TUBGCP2: variants seen among roughly 807,000 people sequenced by gnomAD.
The protein encoded by TUBGCP2 is tubulin gamma complex component 2, also known as gamma-tubulin complex component 2.
TUBGCP2 carries 55 observed loss-of-function variants against 92.2 expected under a neutral mutation model. The ratio of observed to expected loss-of-function variants is 0.60; its 90% CI spans 0.48 to 0.75. The LOEUF (loss-of-function observed/expected upper bound fraction) is 0.75, where lower values mean the gene tolerates loss of function less well. Among genes scored for constraint, TUBGCP2 ranks in the 30% least tolerant of loss-of-function variants. The probability of loss-of-function intolerance (pLI) is 0.00; values close to 1 mark genes in which losing one functional copy is unlikely to be tolerated. For missense variants in TUBGCP2, 1,093 were observed against 1,188.9 expected (o/e 0.92, Z 1.19); for synonymous variants, 533 against 505.2 (o/e 1.06, Z -0.74).
upstream of TUBGCP2, chr10:133,309,169 C>T (rs1275715587): frequency 4.4e-6 from 6 of 1,372,500 alleles, no homozygotes; most frequent in African/African-American, 3.1e-5. Context: ...GGGGCCGGAG[C>T]CTGGAGTGGG....
At chr10:133,309,677 T>A (rs1008264142), upstream of TUBGCP2, 17 of 1,414,976 alleles carry the variant, frequency 1.2e-5, no homozygotes, top group Non-Finnish European at 1.6e-5. Context: ...AAAAGATGCA[T>A]AGGGGCTTTA....
chr10:133,306,024 A>C (rs1460313101), intron 1 of TUBGCP2, among the ~76,000 whole-genome samples: 1 of 152,256 alleles, frequency 6.6e-6, no homozygotes, highest in East Asian at 1.9e-4. Context: ...ACCCTGAGAA[A>C]GCACAGAAGG....
chr10:133,284,223 G>A (rs1054882255), intron 13 of TUBGCP2, among the ~76,000 whole-genome samples: 7 of 152,244 alleles, frequency 4.6e-5, no homozygotes, highest in African/African-American at 1.4e-4. Context: ...GTGCCCTGCA[G>A]GGACACCCCC....
At chr10:133,283,264 G>A (rs2136109321) in intron 14 of TUBGCP2, 43 bp from the exon 15 acceptor site, 1 of 1,612,380 alleles carries the variant, frequency 6.2e-7, no homozygotes, top group South Asian at 1.1e-5. Context: ...AGACGTGGCT[G>A]ACAGACGGGC....
In TUBGCP2 at chr10:133,291,236, G is replaced by GTGTCCCCCATGT. The variant is rs1564938723; in HGVS notation, c.1214+1262_1214+1263insACATGGGGGACA. Among the ~76,000 whole-genome samples, 112 of 114,480 alleles carry GTGTCCCCCATGT rather than the reference G, an allele frequency of 9.8e-4. 2 individuals carry two copies. Among genetic ancestry groups the GTGTCCCCCATGT allele is most frequent in the Non-Finnish European group, 1.3e-4 (8 of 60,790 alleles). 75.1% of individuals were successfully genotyped at this position (114,480 alleles called of 152,430 possible). ...AGAGCCCCCAGAGAGGGCAGCACGC[G>GTGTCCCCCATGT]CCCTCCGTGTCCCCCATGTCCCTCC... On this transcript the variant is annotated intron_variant, in intron 8 of 17. Transcript: ENST00000252936.
At chr10:133,296,184 G>A (rs774019816) in intron 5 of TUBGCP2, among the ~76,000 whole-genome samples, 18 of 152,330 alleles carry the variant, frequency 1.2e-4, no homozygotes, top group Non-Finnish European at 2.2e-4. Flanking sequence ...TGGACAGTGC[G>A]TTCCTCTTTT....
chr10:133,312,020 GT>G (rs1848001886), upstream of TUBGCP2: 2 of 1,562,698 alleles, frequency 1.3e-6, no homozygotes, highest in Admixed American at 3.8e-5. Context: ...GAATAACTTA[GT>G]TTCTCTCGCA....
chr10:133,289,099 C>T, intron 9 of TUBGCP2, 79 bp from the exon 10 acceptor site: 2 of 1,503,034 alleles, frequency 1.3e-6, no homozygotes, highest in Non-Finnish European at 1.8e-6. Context: ...ACACAGGAGG[C>T]AGTGGAATGG....
chr10:133,293,820 C>A lies in TUBGCP2; in HGVS notation c.617-51G>T, dbSNP rs1034551719. 8 of 1,512,524 alleles carry A rather than the reference C, an allele frequency of 5.3e-6. No homozygotes were observed. The Admixed American group carries it at 1.4e-4, about 26-fold the overall frequency. 93.7% of individuals were successfully genotyped at this position (1,512,524 alleles called of 1,614,324 possible). A position where few individuals can be genotyped will look rare whatever the true frequency, so the allele number is the denominator to read the frequency against. ...TCTGCAGCCCCCACTCCCATGCCCC[C>A]ACAGCCACGTGCCCTCATCTGCGGG... On this transcript the variant is annotated intron_variant, in intron 5 of 17. Transcript: ENST00000252936.
At chr10:133,309,111 G>C (rs753219620), upstream of TUBGCP2, 1 of 1,324,646 alleles carries the variant, frequency 7.5e-7, no homozygotes, top group Admixed American at 3.6e-5. Flanking sequence ...GTGAGCAAAA[G>C]AGGGAAAAAG....
At chr10:133,284,481 G>A (rs1847078161) in intron 13 of TUBGCP2, among the ~76,000 whole-genome samples, 1 of 152,138 alleles carries the variant, frequency 6.6e-6, no homozygotes, top group Admixed American at 6.5e-5. Context: ...TCCCACCTCA[G>A]CCTCCTGAGT....
intron 2 of TUBGCP2, among the ~76,000 whole-genome samples, chr10:133,300,883 G>A (rs959880623): frequency 2.0e-5 from 3 of 152,060 alleles, no homozygotes; most frequent in African/African-American, 7.3e-5. Context: ...GCTGCTTCAG[G>A]TTTGTACTGG....
intron 14 of TUBGCP2, among the ~76,000 whole-genome samples, chr10:133,283,561 G>A (rs866510983): frequency 7.9e-5 from 12 of 152,338 alleles, no homozygotes; most frequent in East Asian, 7.7e-4. Context: ...CCCCTAGGAC[G>A]GCAGGCAGCA....
At chr10:133,310,190 A>C (rs75439362), upstream of TUBGCP2, 1 of 1,614,034 alleles carries the variant, frequency 6.2e-7, no homozygotes, top group Non-Finnish European at 8.5e-7. Context: ...AAGGCTGCAC[A>C]GAGAAGTTCA....
At chr10:133,310,614 C>T (rs1006590040), upstream of TUBGCP2, 39 of 349,960 alleles carry the variant, frequency 1.1e-4, no homozygotes, top group African/African-American at 6.9e-4. Context: ...AGCAGTCGGC[C>T]GTGGTCATCC....
chr10:133,301,869 C>A (rs1442652785), intron 2 of TUBGCP2: 1 of 152,016 alleles, frequency 6.6e-6, no homozygotes, highest in Non-Finnish European at 1.5e-5. Context: ...TGCCCGCCAC[C>A]ACACCCAGCT....
chr10:133,304,354 A>C (rs1364947311), intron 1 of TUBGCP2, among the ~76,000 whole-genome samples: 1 of 152,246 alleles, frequency 6.6e-6, no homozygotes, highest in African/African-American at 2.4e-5. Context: ...CAAAACAAAT[A>C]TAAGCAAACT....
At chr10:133,307,958 G>C (rs545927659) in intron 1 of TUBGCP2, among the ~76,000 whole-genome samples, 1 of 152,136 alleles carries the variant, frequency 6.6e-6, no homozygotes, top group Non-Finnish European at 1.5e-5. Flanking sequence ...CATGGAAAAA[G>C]TACAGGGGCA....
chr10:133,285,999 G>A lies in TUBGCP2; in HGVS notation c.1723-371C>T, dbSNP rs547737526. On this transcript the variant is annotated intron_variant, in intron 11 of 17. Transcript: ENST00000252936. This position sits in a 1 kb window ranked among gnomAD's most constrained non-coding sequence, Gnocchi z 6.8. The stretch of plus-strand genomic sequence containing the variant: ...GAAAAATGAAGCATATTTGACGAGG[G>A]ACATAATAGTTATTATAAGCAAGTA... Among the ~76,000 whole-genome samples the A allele has an allele frequency of 8.5e-5, 13 of 152,156 alleles. No homozygotes were observed. The East Asian group carries it at 1.9e-3, about 23-fold the overall frequency.
Sources: gnomAD v4.1 joint callset for allele counts (sites outside exome capture counted in the v4.1 genomes callset) on GRCh38, gnomAD v4.1.1 for gene constraint, Gnocchi (gnomAD v3.1) non-coding constraint, MANE v1.5 for transcripts, NCBI Gene and HGNC (gene_info 2026-07-23, HGNC 2026-07-21) for gene names.